Variants in AXDND1 observed in about 807,000 individuals in gnomAD.
The protein encoded by AXDND1 is axonemal dynein light chain domain-containing protein 1.
In AXDND1, 110 loss-of-function variants were observed where a neutral mutation model predicts 137.5. The ratio of observed to expected loss-of-function variants is 0.80; its 90% CI spans 0.69 to 0.94. The LOEUF (loss-of-function observed/expected upper bound fraction) is 0.94. Among genes scored for constraint, AXDND1 ranks in the 40% least tolerant of loss-of-function variants. The pLI is 0.00. For missense variants in AXDND1, 1,191 were observed against 1,169.8 expected (o/e 1.02, Z -0.26); for synonymous variants, 414 against 399.7 (o/e 1.04, Z -0.43).
At chr1:179,418,762 C>T (rs976035283) in intron 12 of AXDND1, among the ~76,000 whole-genome samples, 35 of 152,064 alleles carry the variant, frequency 2.3e-4, no homozygotes, top group Middle Eastern at 3.4e-3. Flanking sequence ...CGGGCGGAGA[C>T]GCTCCTCACT....
chr1:179,498,908 A>T (rs1025693699), intron 20 of AXDND1, among the ~76,000 whole-genome samples: 10 of 126,876 alleles, frequency 7.9e-5, no homozygotes. Context: ...AATAGCTTAT[A>T]AAAAGTCAAA....
intron 20 of AXDND1, among the ~76,000 whole-genome samples, chr1:179,497,709 G>A (rs1667587360): frequency 6.6e-6 from 1 of 152,084 alleles, no homozygotes; most frequent in Non-Finnish European, 1.5e-5. Flanking sequence ...AGGAAAAGAA[G>A]AAGTCAAGCT....
intron 12 of AXDND1, among the ~76,000 whole-genome samples, chr1:179,413,580 A>T (rs751172544): frequency 2.7e-4 from 41 of 152,304 alleles, no homozygotes; most frequent in Non-Finnish European, 5.3e-4. Flanking sequence ...ATATAATTTC[A>T]TTCTCTTTTA....
Position 179,459,334 on chromosome 1 carries a change from G to T in AXDND1, c.1799-9109G>T, listed in dbSNP as rs1280866712. On this transcript the variant is annotated intron_variant, in intron 16 of 25. Coordinates refer to ENST00000367618, the MANE Select transcript of AXDND1 (RefSeq NM_144696.6). ...TTAAAAGACATAGGTTCTATAGGAA[G>T]AAAATTATATATGTAATATAATACA... 2.6e-5 allele frequency among the ~76,000 whole-genome samples: 4 copies of T among 152,042 alleles called. No homozygotes were observed. In the East Asian group the frequency reaches 7.7e-4, roughly 29 times the overall value.
At chr1:179,453,396 C>G (rs149364850) in intron 16 of AXDND1, 1 of 152,394 alleles carries the variant, frequency 6.6e-6, no homozygotes, top group South Asian at 2.1e-4. Context: ...GAGGCTGTAC[C>G]GCACAAAACC....
At chr1:179,459,416 A>G (rs1279234851) in intron 16 of AXDND1, among the ~76,000 whole-genome samples, 1 of 152,192 alleles carries the variant, frequency 6.6e-6, no homozygotes, top group African/African-American at 2.4e-5. Context: ...TGTTTATATA[A>G]TCAAAATAAA....
At chr1:179,524,521 C>T (rs1034804922) in intron 21 of AXDND1, among the ~76,000 whole-genome samples, 1 of 152,148 alleles carries the variant, frequency 6.6e-6, no homozygotes, top group Non-Finnish European at 1.5e-5. Flanking sequence ...CTGAACTCAT[C>T]TCTCTCTCCA....
intron 25 of AXDND1, chr1:179,550,758 C>A: frequency 3.7e-6 from 1 of 267,604 alleles, no homozygotes; most frequent in Non-Finnish European, 7.3e-6. Context: ...GACAGAAGAG[C>A]AATAGAGTGT....
intron 15 of AXDND1, among the ~76,000 whole-genome samples, chr1:179,442,855 C>T (rs752241981): frequency 6.6e-6 from 1 of 151,836 alleles, no homozygotes; most frequent in South Asian, 2.1e-4. Flanking sequence ...CAAAGTGGGG[C>T]GAACGTGGGA....
At chr1:179,474,152 A>G (rs1247448728) in intron 17 of AXDND1, among the ~76,000 whole-genome samples, 1 of 151,560 alleles carries the variant, frequency 6.6e-6, no homozygotes, top group Non-Finnish European at 1.5e-5. Context: ...TTGAACCTGG[A>G]AGGTAGTGGT....
chr1:179,471,549 G>T (rs1663938777), intron 17 of AXDND1, among the ~76,000 whole-genome samples: 1 of 152,118 alleles, frequency 6.6e-6, no homozygotes, highest in Admixed American at 6.5e-5. Flanking sequence ...ATCAGTGCTA[G>T]CATCCCTTCT....
chr1:179,482,135 A>G (rs1046911232), intron 17 of AXDND1, among the ~76,000 whole-genome samples: 3 of 91,282 alleles, frequency 3.3e-5, no homozygotes, highest in Non-Finnish European at 6.4e-5. Flanking sequence ...GCCTTCTTCT[A>G]TCTCCAGGCA....
chr1:179,404,695 T>C lies in AXDND1; in HGVS notation c.1110-6451T>C, dbSNP rs554523719. ...GAATTTTTGCATCTAAGTTCATCCA[T>C]GATATTGGTCTGTAGTTTTCTTTTT... On this transcript the variant is annotated intron_variant, in intron 11 of 25. Coordinates refer to ENST00000367618, the MANE Select transcript of AXDND1 (RefSeq NM_144696.6). Among the ~76,000 whole-genome samples, 203 of 152,328 alleles carry C rather than the reference T, an allele frequency of 1.3e-3. 2 individuals carry two copies. The highest frequency in any genetic ancestry group is 4.7e-3 in the African/African-American group (197 of 41,588).
In AXDND1 at chr1:179,445,091, G is replaced by A. The variant is rs368301278; in HGVS notation, c.1685G>A (p.Arg562Gln). 1.2e-5 allele frequency: 19 copies of A among 1,613,286 alleles called. No individual in the cohort carries two copies. Among genetic ancestry groups the A allele is most frequent in the East Asian group, 4.5e-5 (2 of 44,830 alleles). Residue 562 changes from arginine (R) to glutamine (Q), a missense_variant, in exon 16 of 26, where the codon CGG becomes CAG. Transcript: ENST00000367618. Reference protein sequence around the residue: ...WADIGLGIFNRHKSLEGEMPS... With the variant: ...WADIGLGIFNQHKSLEGEMPS... ...GATATTGGGCTTGGGATATTTAATC[G>A]GCATAAAAGTTTGGAGGGGGAGATG...
intron 12 of AXDND1, among the ~76,000 whole-genome samples, chr1:179,416,078 C>T (rs1406461614): frequency 1.3e-5 from 2 of 152,136 alleles, no homozygotes; most frequent in African/African-American, 2.4e-5. Context: ...TAATCAACCT[C>T]TCTTTATCTT....
intron 21 of AXDND1, among the ~76,000 whole-genome samples, chr1:179,514,494 A>G (rs936100813): frequency 5.9e-5 from 9 of 152,086 alleles, no homozygotes; most frequent in Non-Finnish European, 4.4e-5. Flanking sequence ...CACATGGTCT[A>G]TCTTGGAGAA....
intron 25 of AXDND1, chr1:179,552,662 C>G: frequency 6.2e-7 from 1 of 1,613,912 alleles, no homozygotes; most frequent in South Asian, 1.1e-5. Flanking sequence ...TGAAGCCCAG[C>G]TGGCAACCTC....
chr1:179,487,995 C>CAAAA (rs71114524), intron 18 of AXDND1, among the ~76,000 whole-genome samples: 7,081 of 100,454 alleles, frequency 0.07, 346 homozygotes, highest in African/African-American at 0.095. Flanking sequence ...GACCATGTCT[C>CAAAA]AAAAAAAAAA....
At chr1:179,394,969 G>C in intron 10 of AXDND1, 129 bp from the exon 11 acceptor site, 1 of 667,076 alleles carries the variant, frequency 1.5e-6, no homozygotes, top group Non-Finnish European at 2.5e-6. Flanking sequence ...TGGTTTATAA[G>C]GTGGAAAAAC....
Sources: gnomAD v4.1 joint callset for allele counts (sites outside exome capture counted in the v4.1 genomes callset) on GRCh38, gnomAD v4.1.1 for gene constraint, MANE v1.5 for transcripts, NCBI Gene and HGNC (gene_info 2026-07-23, HGNC 2026-07-21) for gene names.